MAP2K4: variants seen among roughly 807,000 people sequenced by gnomAD.
MAP2K4 encodes the protein dual specificity mitogen-activated protein kinase kinase 4.
Under a neutral mutation model 48.5 loss-of-function variants are expected in MAP2K4, and 4 were observed. The ratio of observed to expected loss-of-function variants is 0.08; its 90% CI spans 0.04 to 0.19. The LOEUF is 0.19. Ranked by LOEUF, MAP2K4 falls within the 10% of genes least tolerant of loss-of-function variation. The probability of loss-of-function intolerance (pLI) is 1.00; values close to 1 mark genes in which losing one functional copy is unlikely to be tolerated. For missense variants in MAP2K4, 258 were observed against 493.3 expected (o/e 0.52, Z 4.52); for synonymous variants, 166 against 173.1 (o/e 0.96, Z 0.32).
intron 2 of MAP2K4, chr17:12,069,866 T>A (rs1323886816): frequency 2.8e-6 from 1 of 354,506 alleles, no homozygotes; most frequent in Non-Finnish European, 5.5e-6. Flanking sequence ...CTTACCTTTA[T>A]TTTCCTGTCT....
chr17:12,053,916 A>G (rs534042400), intron 1 of MAP2K4, among the ~76,000 whole-genome samples: 2 of 152,168 alleles, frequency 1.3e-5, no homozygotes, highest in South Asian at 4.1e-4. Flanking sequence ...AGTTAATTGT[A>G]TAATAAACTC....
intron 9 of MAP2K4, among the ~76,000 whole-genome samples, chr17:12,134,587 G>A (rs541369868): frequency 1.1e-4 from 17 of 152,316 alleles, no homozygotes; most frequent in Non-Finnish European, 1.5e-5. Context: ...TTAGCTGATT[G>A]TAGACAAAGA....
At chr17:12,032,942 C>T (rs1455124425) in intron 1 of MAP2K4, among the ~76,000 whole-genome samples, 1 of 152,120 alleles carries the variant, frequency 6.6e-6, no homozygotes, top group Non-Finnish European at 1.5e-5. Flanking sequence ...CTCAAGCGAT[C>T]CTCCTGTCTC....
At chr17:12,068,660 G>A (rs1459885928) in intron 2 of MAP2K4, among the ~76,000 whole-genome samples, 1 of 151,994 alleles carries the variant, frequency 6.6e-6, no homozygotes, top group African/African-American at 2.4e-5. Flanking sequence ...TCTGTAAATA[G>A]GGGTCATAGG....
intron 4 of MAP2K4, among the ~76,000 whole-genome samples, chr17:12,101,266 A>G (rs1229999746): frequency 6.6e-6 from 1 of 151,400 alleles, no homozygotes; most frequent in African/African-American, 2.4e-5. Context: ...TTTTTTTTGC[A>G]TGTGGATATC....
At chr17:12,074,093 T>C (rs1970915315) in intron 2 of MAP2K4, among the ~76,000 whole-genome samples, 1 of 152,194 alleles carries the variant, frequency 6.6e-6, no homozygotes, top group African/African-American at 2.4e-5. Flanking sequence ...TTTTTGTGTT[T>C]AGACATTTGA....
At position 12,117,580 on chromosome 17, in the gene MAP2K4, C is replaced by T. The variant is rs144931933; in HGVS notation, c.813+4220C>T. Among the ~76,000 whole-genome samples, 557 of 146,732 alleles carry T rather than the reference C, an allele frequency of 3.8e-3. 1 individual carries two copies. The highest frequency in any genetic ancestry group is 5.4e-3 in the Non-Finnish European group (360 of 66,628). Reference sequence around the variant, plus strand: ...ATACCTCACATGGGGCCAAGACCTACCTGCATTACTCACTGTATTTTTTTT... The same window carrying T: ...ATACCTCACATGGGGCCAAGACCTATCTGCATTACTCACTGTATTTTTTTT... On this transcript the variant is annotated intron_variant, in intron 7 of 10. Coordinates refer to ENST00000353533, the MANE Select transcript of MAP2K4 (RefSeq NM_003010.4).
At chr17:12,056,906 T>C (rs1567636850) in intron 2 of MAP2K4, among the ~76,000 whole-genome samples, 1 of 152,192 alleles carries the variant, frequency 6.6e-6, no homozygotes, top group Admixed American at 6.5e-5. Context: ...TTAACATTTA[T>C]ATGTTTTTTC....
chr17:12,053,444 A>T (rs1042565233), intron 1 of MAP2K4, among the ~76,000 whole-genome samples: 17 of 151,412 alleles, frequency 1.1e-4, no homozygotes, highest in Non-Finnish European at 5.9e-5. Flanking sequence ...GATTTCTATG[A>T]TGTCTTTATA....
rs548380477 is a variant in MAP2K4 at position 12,115,510 on chromosome 17, T to C, written c.813+2150T>C. The C allele has an allele frequency of 5.8e-5, 35 of 608,622 alleles. No individual in the cohort carries two copies. In the East Asian group the frequency reaches 6.2e-4, roughly 11 times the overall value. 37.7% of individuals were successfully genotyped at this position (608,622 alleles called of 1,614,324 possible). On this transcript the variant is annotated intron_variant, in intron 7 of 10. Transcript: ENST00000353533. ...ATATAGAAAAGGTACGGTCAAAATATGGTATAAAGGAGGTAGAGGTGACGG... is the reference window on the plus strand; with the variant it reads ...ATATAGAAAAGGTACGGTCAAAATACGGTATAAAGGAGGTAGAGGTGACGG...
chr17:12,045,160 T>A (rs571651861), intron 1 of MAP2K4, among the ~76,000 whole-genome samples: 1 of 152,254 alleles, frequency 6.6e-6, no homozygotes, highest in African/African-American at 2.4e-5. Flanking sequence ...AACAGACTTA[T>A]ATTTCTTTCA....
chr17:12,073,141 A>G (rs971404627), intron 2 of MAP2K4, among the ~76,000 whole-genome samples: 3 of 152,230 alleles, frequency 2.0e-5, no homozygotes, highest in African/African-American at 7.2e-5. Flanking sequence ...TACTAATAGT[A>G]ACACAGCCAG....
chr17:12,112,668 AG>A (rs1438448741), intron 6 of MAP2K4, among the ~76,000 whole-genome samples: 1 of 152,146 alleles, frequency 6.6e-6, no homozygotes, highest in African/African-American at 2.4e-5. Flanking sequence ...CATGGATAAA[AG>A]GACTGAGCTA....
chr17:12,095,082 C>T (rs1001837030), intron 3 of MAP2K4, among the ~76,000 whole-genome samples: 4 of 152,074 alleles, frequency 2.6e-5, no homozygotes, highest in East Asian at 1.9e-4. Context: ...TGGACTATTT[C>T]CCGTCTTTAT....
intron 1 of MAP2K4, among the ~76,000 whole-genome samples, chr17:12,036,329 T>C (rs1969596966): frequency 6.6e-6 from 1 of 152,188 alleles, no homozygotes; most frequent in Non-Finnish European, 1.5e-5. Context: ...GTTGATTAAT[T>C]TATCTGTTAT....
intron 9 of MAP2K4, among the ~76,000 whole-genome samples, chr17:12,133,659 A>T (rs953970210): frequency 6.6e-6 from 1 of 152,176 alleles, no homozygotes; most frequent in Non-Finnish European, 1.5e-5. Context: ...AAAAACAAAA[A>T]ATGTTATTCT....
intron 2 of MAP2K4, among the ~76,000 whole-genome samples, chr17:12,077,295 T>A (rs1971043964): frequency 6.6e-6 from 1 of 152,212 alleles, no homozygotes; most frequent in East Asian, 1.9e-4. Context: ...GTGATTGGGA[T>A]GACCAAACTG....
At chr17:12,037,023 A>C (rs952282816) in intron 1 of MAP2K4, among the ~76,000 whole-genome samples, 3 of 152,034 alleles carry the variant, frequency 2.0e-5, no homozygotes, top group African/African-American at 7.2e-5. Context: ...GGCGTTAAAA[A>C]CTTTGTGCTT....
chr17:12,074,289 T>C (rs1970922605), intron 2 of MAP2K4, among the ~76,000 whole-genome samples: 1 of 152,220 alleles, frequency 6.6e-6, no homozygotes, highest in Admixed American at 6.5e-5. Flanking sequence ...TGCTTTTTTG[T>C]ATACTGTGGT....
Sources: gnomAD v4.1 joint callset for allele counts (sites outside exome capture counted in the v4.1 genomes callset) on GRCh38, gnomAD v4.1.1 for gene constraint, MANE v1.5 for transcripts, NCBI Gene and HGNC (gene_info 2026-07-23, HGNC 2026-07-21) for gene names.